The following PCDHA4 variants were observed in gnomAD, a reference collection of about 807,000 sequenced individuals.
The protein encoded by PCDHA4 is protocadherin alpha-4.
Under a neutral mutation model 61.4 loss-of-function variants are expected in PCDHA4, and 49 were observed. The observed-to-expected ratio is 0.80, with a 90% CI of 0.63 to 1.01. The LOEUF (loss-of-function observed/expected upper bound fraction) is 1.01. PCDHA4 is among the 50% of genes least tolerant of loss of function. PCDHA4 has a pLI of 0.00. For missense variants in PCDHA4, 1,254 were observed against 1,235.8 expected (o/e 1.01, Z -0.22); for synonymous variants, 590 against 550.3 (o/e 1.07, Z -1.01).
chr5:140,907,263 C>T (rs985030606), intron 1 of PCDHA4, among the ~76,000 whole-genome samples: 2 of 152,220 alleles, frequency 1.3e-5, no homozygotes, highest in Admixed American at 1.3e-4. Flanking sequence ...CTTCAAAAGG[C>T]CATTCCATCA....
chr5:140,969,454 A>T, intron 1 of PCDHA4: 1 of 1,511,824 alleles, frequency 6.6e-7, no homozygotes. Flanking sequence ...AACTGAGTAT[A>T]TATAGTATCC....
chr5:140,982,615 A>G, intron 3 of PCDHA4, 52 bp downstream of exon 3: 1 of 1,596,392 alleles, frequency 6.3e-7, no homozygotes, highest in Non-Finnish European at 8.6e-7. Context: ...AAGTGATCAG[A>G]TGACCTACTT....
intron 1 of PCDHA4, among the ~76,000 whole-genome samples, chr5:140,970,194 A>G (rs1202666673): frequency 6.6e-6 from 1 of 152,204 alleles, no homozygotes; most frequent in African/African-American, 2.4e-5. Context: ...TTGTAAGAGG[A>G]TTTCCCTGAA....
At chr5:140,985,151 A>G (rs1335001570) in intron 3 of PCDHA4, among the ~76,000 whole-genome samples, 3 of 152,092 alleles carry the variant, frequency 2.0e-5, no homozygotes, top group Admixed American at 2.0e-4. Flanking sequence ...GTTAGCCAGG[A>G]TTGTCTCAAT....
chr5:140,808,225 T>C lies in PCDHA4; in HGVS notation c.1038T>C (p.Asn346=), dbSNP rs535812009. The change falls in exon 1 of 4, where the codon AAT becomes AAC. Residue 346 remains asparagine, a synonymous_variant. Transcript: ENST00000530339. The part of the protein sequence containing the change: ...VIVEVEDNND[N]VPDLEFKSLS... ...TGGAAGTAGAAGACAACAACGATAA[T>C]GTCCCAGATTTGGAATTCAAGTCTT... 2 of 1,614,252 alleles carry C rather than the reference T, an allele frequency of 1.2e-6. No individual in the cohort carries two copies. The highest frequency in any genetic ancestry group is 2.2e-5 in the South Asian group (2 of 91,092).
At chr5:140,917,015 G>A (rs538557329) in intron 1 of PCDHA4, among the ~76,000 whole-genome samples, 1 of 152,240 alleles carries the variant, frequency 6.6e-6, no homozygotes, top group East Asian at 1.9e-4. Flanking sequence ...CTCCCTTCAT[G>A]TGCAGCTGCT....
At chr5:140,884,037 T>C (rs1260114488) in intron 1 of PCDHA4, 1 of 1,613,346 alleles carries the variant, frequency 6.2e-7, no homozygotes, top group Non-Finnish European at 8.5e-7. Flanking sequence ...GCAGGCCACG[T>C]GGTGGCGAAG....
At chr5:140,945,424 A>T (rs1227744054) in intron 1 of PCDHA4, among the ~76,000 whole-genome samples, 1 of 152,116 alleles carries the variant, frequency 6.6e-6, no homozygotes, top group Non-Finnish European at 1.5e-5. Context: ...ATTTCAATGA[A>T]GTTTTTACAG....
intron 1 of PCDHA4, among the ~76,000 whole-genome samples, chr5:140,973,346 T>C (rs1554235179): frequency 1.3e-5 from 2 of 152,198 alleles, no homozygotes; most frequent in Non-Finnish European, 2.9e-5. Flanking sequence ...AGTGACATAG[T>C]AGTGAATTTA....
At chr5:140,871,313 C>T (rs371295919) in intron 1 of PCDHA4, 2 of 1,614,042 alleles carry the variant, frequency 1.2e-6, no homozygotes, top group Non-Finnish European at 1.7e-6. Flanking sequence ...GGGAAGCCCA[C>T]GCTGGTGTGC....
At chr5:140,855,488 C>T (rs569322371) in intron 1 of PCDHA4, among the ~76,000 whole-genome samples, 1 of 149,546 alleles carries the variant, frequency 6.7e-6, no homozygotes. Flanking sequence ...ACATTAGTGT[C>T]TAAATAAACC....
Position 140,969,016 on chromosome 5 carries a change from A to C in PCDHA4, c.2386-9933A>C. Reference sequence around the variant, plus strand: ...GTGGAGGCTTCTGTGGAGTAAGGGAAAGGTCCCCTGCAGAACTGTACAAAC... The same window carrying C: ...GTGGAGGCTTCTGTGGAGTAAGGGACAGGTCCCCTGCAGAACTGTACAAAC... On this transcript the variant is annotated intron_variant, in intron 1 of 3. Coordinates refer to ENST00000530339, the MANE Select transcript of PCDHA4 (RefSeq NM_018907.4). 6.2e-7 allele frequency: 1 copy of C among 1,614,172 alleles called. No homozygotes were observed. Among genetic ancestry groups the C allele is most frequent in the South Asian group, 1.1e-5 (1 of 91,072 alleles).
At chr5:140,869,226 C>T (rs1428940405) in intron 1 of PCDHA4, 5 of 1,613,644 alleles carry the variant, frequency 3.1e-6, no homozygotes, top group African/African-American at 1.3e-5. Context: ...AGGCCAAACA[C>T]GGCACCTTCG....
chr5:140,993,462 TCACACA>T (rs3836747), intron 3 of PCDHA4, among the ~76,000 whole-genome samples: 28,176 of 140,902 alleles, frequency 0.2, 2,920 homozygotes, highest in East Asian at 0.31. Flanking sequence ...TCTTTCTTTC[TCACACA>T]CACACACACA....
chr5:140,988,184 GGT>G (rs2153871318), intron 3 of PCDHA4, among the ~76,000 whole-genome samples: 1 of 152,246 alleles, frequency 6.6e-6, no homozygotes, highest in East Asian at 1.9e-4. Flanking sequence ...AGTCCTGGGA[GGT>G]GTGTGCATAT....
intron 1 of PCDHA4, among the ~76,000 whole-genome samples, chr5:140,939,691 G>A (rs782722243): frequency 3.5e-4 from 53 of 152,250 alleles, no homozygotes; most frequent in African/African-American, 1.2e-3. Context: ...TGTGTTGCTG[G>A]ACATTATCAT....
At chr5:140,831,620 C>A (rs1771646010) in intron 1 of PCDHA4, among the ~76,000 whole-genome samples, 1 of 150,644 alleles carries the variant, frequency 6.6e-6, no homozygotes, top group Admixed American at 6.7e-5. Context: ...ACCTTGGCCT[C>A]CCAAAGTACT....
At chr5:140,924,681 G>T (rs558083953) in intron 1 of PCDHA4, among the ~76,000 whole-genome samples, 1 of 152,180 alleles carries the variant, frequency 6.6e-6, no homozygotes, top group East Asian at 1.9e-4. Flanking sequence ...AATCACTTGA[G>T]GTCAGGAGTT....
chr5:140,927,666 G>C, intron 1 of PCDHA4: 1 of 1,614,180 alleles, frequency 6.2e-7, no homozygotes, highest in Non-Finnish European at 8.5e-7. Context: ...TTCAAGCCTT[G>C]GATCCAGATG....
Sources: allele counts gnomAD v4.1 joint callset (sites outside exome capture counted in the v4.1 genomes callset), GRCh38; gene constraint gnomAD v4.1.1; transcripts MANE v1.5; gene names NCBI Gene and HGNC (gene_info 2026-07-23, HGNC 2026-07-21).